KCNIP3: variants seen among roughly 807,000 people sequenced by gnomAD.
KCNIP3 encodes the protein potassium voltage-gated channel interacting protein 3.
Under a neutral mutation model 35.0 loss-of-function variants are expected in KCNIP3, and 28 were observed. The observed-to-expected ratio is 0.80, with a 90% CI of 0.59 to 1.10. KCNIP3 has a LOEUF of 1.10. KCNIP3 is among the 50% of genes least tolerant of loss of function. KCNIP3 has a pLI of 0.00. For missense variants in KCNIP3, 295 were observed against 338.4 expected (o/e 0.87, Z 1.01); for synonymous variants, 134 against 133.8 (o/e 1.00, Z -0.01).
At chr2:95,368,585 A>G (rs1558776383) in intron 2 of KCNIP3, 1 of 390,546 alleles carries the variant, frequency 2.6e-6, no homozygotes, top group Non-Finnish European at 5.1e-6. Context: ...TTCTCTTACA[A>G]AATTTGTGTC....
At chr2:95,325,644 TAC>T (rs1228161799) in intron 2 of KCNIP3, among the ~76,000 whole-genome samples, 1 of 144,190 alleles carries the variant, frequency 6.9e-6, no homozygotes, top group African/African-American at 2.6e-5. Context: ...CACACACGCA[TAC>T]ACACAAATAG....
At chr2:95,349,605 G>C (rs1228293119) in intron 2 of KCNIP3, among the ~76,000 whole-genome samples, 3 of 152,214 alleles carry the variant, frequency 2.0e-5, no homozygotes, top group African/African-American at 7.2e-5. Flanking sequence ...GGACAAGGGG[G>C]CTGAGCCCGG....
At chr2:95,316,341 G>A (rs1348950087) in intron 2 of KCNIP3, among the ~76,000 whole-genome samples, 6 of 152,344 alleles carry the variant, frequency 3.9e-5, no homozygotes, top group East Asian at 1.9e-4. Flanking sequence ...GCAGGGGTGC[G>A]AGGCGCAGCA....
intron 2 of KCNIP3, among the ~76,000 whole-genome samples, chr2:95,330,519 T>C (rs1349517217): frequency 1.3e-5 from 2 of 152,132 alleles, no homozygotes; most frequent in African/African-American, 2.4e-5. Context: ...GGGTCACACA[T>C]TGGTGCTAAG....
chr2:95,327,609 G>GGA (rs1380764104), intron 2 of KCNIP3, among the ~76,000 whole-genome samples: 1 of 152,176 alleles, frequency 6.6e-6, no homozygotes, highest in Non-Finnish European at 1.5e-5. Context: ...TGGAGTGGCA[G>GGA]GACACCTTCT....
In KCNIP3 at chr2:95,376,011, A is replaced by G. The variant is rs1680176832; in HGVS notation, c.447+803A>G. Among the ~76,000 whole-genome samples, 1 of 152,182 alleles carries G rather than the reference A, an allele frequency of 6.6e-6. No individual in the cohort carries two copies. Among genetic ancestry groups the G allele is most frequent in the African/African-American group, 2.4e-5 (1 of 41,458 alleles). ...ACGGGGTAATAATAACTTGTCGATA[A>G]GCTGCGCGGGTTATTTTTATGCCGC... On this transcript the variant is annotated intron_variant, in intron 5 of 8. Transcript: ENST00000295225. The surrounding 1 kb of genome is among the most constrained non-coding windows in gnomAD (Gnocchi z 4.2).
At chr2:95,316,509 C>T (rs1678464942) in intron 2 of KCNIP3, among the ~76,000 whole-genome samples, 3 of 152,148 alleles carry the variant, frequency 2.0e-5, no homozygotes, top group Admixed American at 6.5e-5. Flanking sequence ...AGCTGGGGGA[C>T]GTCAGTGTCA....
chr2:95,298,605 G>C (rs190683561), intron 1 of KCNIP3: 1 of 152,314 alleles, frequency 6.6e-6, no homozygotes, highest in Non-Finnish European at 1.5e-5. Context: ...AAGCATCCAA[G>C]CATGGGCGGG....
intron 2 of KCNIP3, among the ~76,000 whole-genome samples, chr2:95,358,393 C>G (rs1444966252): frequency 6.6e-6 from 1 of 152,180 alleles, no homozygotes; most frequent in Admixed American, 6.5e-5. Context: ...CTTTTACACA[C>G]TGGGAAGAAA....
intron 2 of KCNIP3, among the ~76,000 whole-genome samples, chr2:95,334,289 T>G (rs1297316445): frequency 6.6e-6 from 1 of 152,146 alleles, no homozygotes; most frequent in Non-Finnish European, 1.5e-5. Context: ...CTAGTTAGCA[T>G]GTCCCATAGG....
At chr2:95,328,370 C>T (rs1236030440) in intron 2 of KCNIP3, among the ~76,000 whole-genome samples, 2 of 152,268 alleles carry the variant, frequency 1.3e-5, no homozygotes, top group East Asian at 1.9e-4. Context: ...CACACACTGT[C>T]TGAGCCACAG....
chr2:95,376,802 C>T lies in KCNIP3; in HGVS notation c.447+1594C>T, dbSNP rs578002013. ...GCACCAAATCTAGTCTGGAGAACAC[C>T]GGGCCATCCTCACTGCCAGCCCTCA... On this transcript the variant is annotated intron_variant, in intron 5 of 8. Coordinates refer to ENST00000295225, the MANE Select transcript of KCNIP3 (RefSeq NM_013434.5). The surrounding 1 kb of genome is among the most constrained non-coding windows in gnomAD (Gnocchi z 4.2). Among the ~76,000 whole-genome samples the T allele has an allele frequency of 3.5e-4, 54 of 152,264 alleles. No homozygotes were observed. The East Asian group carries it at 9.1e-3, about 26-fold the overall frequency.
At chr2:95,332,896 A>G (rs1474041086) in intron 2 of KCNIP3, among the ~76,000 whole-genome samples, 6 of 152,218 alleles carry the variant, frequency 3.9e-5, no homozygotes, top group African/African-American at 1.4e-4. Context: ...CATCTGTTAA[A>G]TGGGAATCAC....
chr2:95,337,979 G>A (rs868358217), intron 2 of KCNIP3, among the ~76,000 whole-genome samples: 31 of 152,352 alleles, frequency 2.0e-4, no homozygotes, highest in Middle Eastern at 6.8e-3. Context: ...GGTGGGGGAA[G>A]CAGGAGAACA....
chr2:95,326,144 CAT>C lies in KCNIP3; in HGVS notation c.181+15626_181+15627del, dbSNP rs150603591. ...ACGCACACTTATAAAGTCAGACACA[CAT>C]ACACTTATATACGCACTCATATACA... is the stretch of plus-strand genomic sequence containing the variant. On this transcript the variant is annotated intron_variant, in intron 2 of 8. Coordinates refer to ENST00000295225, the MANE Select transcript of KCNIP3 (RefSeq NM_013434.5). Among the ~76,000 whole-genome samples the C allele has an allele frequency of 3.2e-3, 491 of 152,018 alleles. 20 individuals are homozygous for C. The East Asian group carries it at 0.07, about 22-fold the overall frequency.
intron 2 of KCNIP3, among the ~76,000 whole-genome samples, chr2:95,341,993 C>A (rs547665474): frequency 6.6e-6 from 1 of 152,280 alleles, no homozygotes; most frequent in East Asian, 1.9e-4. Context: ...AGGAAGGTGA[C>A]TCTGCGGAAG....
At chr2:95,304,045 A>G (rs934344916) in intron 1 of KCNIP3, among the ~76,000 whole-genome samples, 4 of 152,214 alleles carry the variant, frequency 2.6e-5, no homozygotes, top group Admixed American at 2.0e-4. Context: ...GGCACGTCTC[A>G]GTGTGGACCA....
chr2:95,351,092 C>T (rs1485009703), intron 2 of KCNIP3, among the ~76,000 whole-genome samples: 2 of 152,244 alleles, frequency 1.3e-5, no homozygotes, highest in East Asian at 1.9e-4. Context: ...CCCAAACCTG[C>T]GGGCTCAGAA....
At position 95,383,228 on chromosome 2, in the gene KCNIP3, G is replaced by A. The variant is rs1307103295; in HGVS notation, c.661-4G>A. 1 of 1,599,026 alleles carries A rather than the reference G, an allele frequency of 6.3e-7. No individual in the cohort carries two copies. Among genetic ancestry groups the A allele is most frequent in the East Asian group, 2.3e-5 (1 of 43,690 alleles). ...ACTCACTTTGGGCATGGCTTGGGTT[G>A]CAGAAAATGGACCGGAACCAGGATG... On this transcript the variant is annotated splice_polypyrimidine_tract_variant and splice_region_variant and intron_variant, in intron 7 of 8. Coordinates refer to ENST00000295225, the MANE Select transcript of KCNIP3 (RefSeq NM_013434.5).
Sources: allele counts gnomAD v4.1 joint callset (sites outside exome capture counted in the v4.1 genomes callset), GRCh38; gene constraint gnomAD v4.1.1; non-coding constraint Gnocchi (gnomAD v3.1); transcripts MANE v1.5; gene names NCBI Gene and HGNC (gene_info 2026-07-23, HGNC 2026-07-21).